The following SLC4A2 variants were observed in gnomAD, a reference collection of about 807,000 sequenced individuals.
SLC4A2 encodes solute carrier family 4 member 2, also known as anion exchange protein 2.
In SLC4A2, 36 loss-of-function variants were observed where a neutral mutation model predicts 115.0. The ratio of observed to expected loss-of-function variants is 0.31; its 90% CI spans 0.24 to 0.41. The LOEUF is 0.41. Among genes scored for constraint, SLC4A2 ranks in the 10% least tolerant of loss-of-function variants. The pLI is 1.00. For missense variants in SLC4A2, 1,252 were observed against 1,705.6 expected, an observed-to-expected ratio of 0.73 and a Z score of 4.68; for synonymous variants, 708 against 708.3, an observed-to-expected ratio of 1.00 and a Z score of 0.01.
intron 16 of SLC4A2, among the ~76,000 whole-genome samples, chr7:151,072,833 G>T (rs183190828): frequency 6.6e-6 from 1 of 151,446 alleles, no homozygotes; most frequent in Non-Finnish European, 1.5e-5. Flanking sequence ...TAAATTTTTT[G>T]TATTTTTTTA....
At chr7:151,064,062 G>A in intron 2 of SLC4A2, 140 bp from the exon 3 acceptor site, 2 of 750,880 alleles carry the variant, frequency 2.7e-6, no homozygotes, top group East Asian at 2.7e-5. Flanking sequence ...GCTGCTGGGG[G>A]CATATAGAGC....
At chr7:151,072,166 A>T in intron 16 of SLC4A2, 30 bp downstream of exon 16, 1 of 1,588,352 alleles carries the variant, frequency 6.3e-7, no homozygotes, top group Non-Finnish European at 8.6e-7. Context: ...GAGCTGGGCC[A>T]GGAGGGCCGA....
chr7:151,067,775 A>G lies in SLC4A2; in HGVS notation c.967-99A>G, dbSNP rs1250129223. On this transcript the variant is annotated intron_variant, in intron 7 of 22. Coordinates refer to ENST00000413384, the MANE Select transcript of SLC4A2 (RefSeq NM_003040.4). The stretch of plus-strand genomic sequence containing the variant: ...ACCACCCACTGTGCTCGTGCTCTCC[A>G]GGGTCACTTGGCTCCCTCTGACACC... The G allele has an allele frequency of 4.0e-6, 4 of 1,004,384 alleles. No homozygotes were observed. The South Asian group carries it at 4.3e-5, about 11-fold the overall frequency. 62.2% of individuals were successfully genotyped at this position (1,004,384 alleles called of 1,614,324 possible).
chr7:151,061,479 C>T (rs1179152677), intron 1 of SLC4A2: 1 of 156,556 alleles, frequency 6.4e-6, no homozygotes, highest in East Asian at 1.9e-4. Context: ...CGGGGTGTCT[C>T]ACCCTCCCCA....
At chr7:151,074,015 G>A (rs1442086253) in intron 16 of SLC4A2, 24 bp from the exon 17 acceptor site, 10 of 1,537,620 alleles carry the variant, frequency 6.5e-6, no homozygotes, top group Non-Finnish European at 8.8e-6. Context: ...AGCTGATGGA[G>A]GCCGTGTGGC....
At chr7:151,065,418 C>T (rs1263004091) in intron 5 of SLC4A2, among the ~76,000 whole-genome samples, 1 of 152,186 alleles carries the variant, frequency 6.6e-6, no homozygotes, top group Non-Finnish European at 1.5e-5. Flanking sequence ...ACTGCCAACA[C>T]ACGCTGGTTG....
intron 2 of SLC4A2, chr7:151,062,636 G>C (rs1447268156): frequency 1.3e-6 from 2 of 1,522,288 alleles, no homozygotes; most frequent in Admixed American, 2.0e-5. Flanking sequence ...CACCCCTGCC[G>C]GCCATGGACT....
At chr7:151,074,650 T>C in intron 18 of SLC4A2, 25 bp from the exon 19 acceptor site, 1 of 1,586,634 alleles carries the variant, frequency 6.3e-7, no homozygotes, top group East Asian at 2.2e-5. Context: ...TTAACCCTTG[T>C]CCCTACACTG....
In SLC4A2 at chr7:151,067,920, C is replaced by A. The variant is rs1797291431; in HGVS notation, c.1013C>A (p.Pro338His). The A allele has an allele frequency of 6.2e-7, 1 of 1,611,038 alleles. No individual in the cohort carries two copies. ...TTGCTCCTGGACAAAAACCAGGAGC[C>A]CCAGTGGCGGGAGACAGCTCGCTGG... is the stretch of plus-strand genomic sequence containing the variant. Reference protein sequence around the residue: ...NELLLDKNQEPQWRETARWIK... With the variant: ...NELLLDKNQEHQWRETARWIK... Residue 338 changes from proline to histidine, a missense_variant, in exon 8 of 23, where the codon CCC (proline) becomes CAC (histidine). This residue lies in a region of SLC4A2 where 29 missense variants were observed against 80.9 expected (regional missense o/e 0.36). Transcript: ENST00000413384.
At position 151,070,582 on chromosome 7, in the gene SLC4A2, CA is replaced by C; in HGVS notation, c.1564+12del. Reference sequence around the variant, plus strand: ...CGGTGGTCCTTGTGGGTATGTGGGGCAGGTCACATGTAGGGGGCTTGGTGGC... The same window carrying C: ...CGGTGGTCCTTGTGGGTATGTGGGGCGGTCACATGTAGGGGGCTTGGTGGC... On this transcript the variant is annotated intron_variant, in intron 11 of 22. Coordinates refer to ENST00000413384, the MANE Select transcript of SLC4A2 (RefSeq NM_003040.4). The C allele has an allele frequency of 6.2e-7, 1 of 1,609,420 alleles. No individual in the cohort carries two copies. The highest frequency in any genetic ancestry group is 2.2e-5 in the East Asian group (1 of 44,792).
Position 151,070,716 on chromosome 7 carries a change from C to G in SLC4A2, c.1565-11C>G. ...GCTCTGCTCTTGCCCACGATGGTCC[C>G]ACGCCCCTAGGCTGCGTGGAGTTCC... On this transcript the variant is annotated splice_polypyrimidine_tract_variant and intron_variant, in intron 11 of 22. Transcript: ENST00000413384. 6.2e-7 allele frequency: 1 copy of G among 1,612,336 alleles called. No individual in the cohort carries two copies. Among genetic ancestry groups the G allele is most frequent in the Non-Finnish European group, 8.5e-7 (1 of 1,179,752 alleles).
chr7:151,063,966 C>T (rs1797139871), intron 2 of SLC4A2, among the ~76,000 whole-genome samples: 1 of 152,018 alleles, frequency 6.6e-6, no homozygotes, highest in Non-Finnish European at 1.5e-5. Flanking sequence ...TGACCTCCAG[C>T]AATCCACCCA....
upstream of SLC4A2, chr7:151,058,907 G>A (rs1014743248): frequency 9.2e-5 from 14 of 152,262 alleles, no homozygotes; most frequent in African/African-American, 3.4e-4. Flanking sequence ...AACCAGAGTT[G>A]CTGCTAAACA....
rs761405189 is a variant in SLC4A2 at position 151,066,546 on chromosome 7, C to T, written c.608C>T (p.Ala203Val). ...CAGGTGGAGGAGGCGGAGGCGGAGG[C>T]GGTGGCGGTGGCCAGTGGCACTGCA... is the stretch of plus-strand genomic sequence containing the variant. ...GTQVEEAEAE[A>V]VAVASGTAGG... is the part of the protein sequence containing the mutation. The change falls in exon 6 of 23, where the codon GCG becomes GTG. Residue 203 changes from alanine to valine, a missense_variant. Around this residue, in one of 14 missense-constraint regions of SLC4A2, gnomAD observed 215 missense variants for 205.2 expected, o/e 1.05. Coordinates refer to ENST00000413384, the MANE Select transcript of SLC4A2 (RefSeq NM_003040.4). 12 of 1,535,232 alleles carry T rather than the reference C, an allele frequency of 7.8e-6. No homozygotes were observed. Among genetic ancestry groups the T allele is most frequent in the Non-Finnish European group, 8.8e-6 (10 of 1,140,966 alleles).
rs749441767 is a variant in SLC4A2 at position 151,071,979 on chromosome 7, G to A, written c.2378G>A (p.Arg793His). ...SSNHLEYLVGRVWIGFWLVFL... is the reference protein window; with the variant it reads ...SSNHLEYLVGHVWIGFWLVFL... Reference sequence around the variant, plus strand: ...AACCACCTGGAGTACCTGGTGGGCCGTGTGTGGATCGGCTTCTGGCTGGTG... The same window carrying A: ...AACCACCTGGAGTACCTGGTGGGCCATGTGTGGATCGGCTTCTGGCTGGTG... Residue 793 changes from arginine to histidine, a missense_variant, in exon 16 of 23, where the codon CGT (arginine) becomes CAT (histidine). Physicochemically the swap from Arg to His is conservative, Grantham distance 29 (BLOSUM62 0). Coordinates refer to ENST00000413384, the MANE Select transcript of SLC4A2 (RefSeq NM_003040.4). The surrounding 1 kb of genome is among the most constrained non-coding windows in gnomAD (Gnocchi z 5.5). The A allele has an allele frequency of 1.2e-6, 2 of 1,614,120 alleles. No individual in the cohort carries two copies. The highest frequency in any genetic ancestry group is 1.7e-6 in the Non-Finnish European group (2 of 1,180,012).
chr7:151,069,979 C>T lies in SLC4A2; in HGVS notation c.1180C>T (p.Leu394=). The T allele has an allele frequency of 6.2e-7, 1 of 1,614,082 alleles. No homozygotes were observed. The highest frequency in any genetic ancestry group is 8.5e-7 in the Non-Finnish European group (1 of 1,180,040). ...AVLLDLDQQT[L]PGVAHQVVEQ... ...GCTCTTGGATCTGGACCAGCAGACC[C>T]TGCCCGGAGTGGCCCACCAGGTGGT... The change falls in exon 9 of 23, where the codon CTG becomes TTG. Residue 394 remains leucine (L), a synonymous_variant. Transcript: ENST00000413384.
chr7:151,071,404 G>A lies in SLC4A2; in HGVS notation c.1990G>A (p.Val664Ile). The A allele has an allele frequency of 6.3e-7, 1 of 1,598,192 alleles. No homozygotes were observed. ...CTGGGTTGCAGCGCTCCTGCAGATG[G>A]TAGAGGCGGCAGGGGCAGCTGAAGA... ...SAQDKALLQM[V>I]EAAGAAEDDP... The change falls in exon 14 of 23, where the codon GTA (valine) becomes ATA (isoleucine). Residue 664 changes from valine to isoleucine, a missense_variant. Val to Ile is a conservative substitution (Grantham distance 29, BLOSUM62 3). This residue lies in a region of SLC4A2 where 122 missense variants were observed against 116.8 expected (regional missense o/e 1.04). Transcript: ENST00000413384. The surrounding 1 kb of genome is among the most constrained non-coding windows in gnomAD (Gnocchi z 5.5).
Position 151,074,133 on chromosome 7 carries a change from C to T in SLC4A2, c.2630C>T (p.Thr877Met), listed in dbSNP as rs796430180. ...ATGACATGGGCCGGGGCAAGACCCACGCTGGGGCCGGGCAACAGGAGCTTG... is the reference window on the plus strand; with the variant it reads ...ATGACATGGGCCGGGGCAAGACCCATGCTGGGGCCGGGCAACAGGAGCTTG... ...ENMTWAGARP[T>M]LGPGNRSLAG... The change falls in exon 17 of 23, where the codon ACG (threonine) becomes ATG (methionine). Residue 877 changes from threonine to methionine, a missense_variant. Physicochemically the swap from Thr to Met is moderately conservative, Grantham distance 81 (BLOSUM62 -1). Transcript: ENST00000413384. The T allele has an allele frequency of 1.1e-5, 17 of 1,612,386 alleles. No individual in the cohort carries two copies. Among genetic ancestry groups the T allele is most frequent in the South Asian group, 2.2e-5 (2 of 91,008 alleles).
Position 151,070,260 on chromosome 7 carries a change from C to T in SLC4A2, c.1363C>T (p.His455Tyr), listed in dbSNP as rs775762098. ...CCTGGGCTCCCTGCTGGGGCATCAC[C>T]ATGGTCAGGGGGCTGAGAGTGACCC... ...GSLGSLLGHH[H>Y]GQGAESDPHV... is the part of the protein sequence containing the mutation. Residue 455 changes from histidine to tyrosine, a missense_variant, in exon 10 of 23, where the codon CAT becomes TAT. By Grantham distance (83) the His-to-Tyr change is moderately conservative. Transcript: ENST00000413384. The T allele has an allele frequency of 1.9e-6, 3 of 1,613,934 alleles. No individual in the cohort carries two copies. The highest frequency in any genetic ancestry group is 2.5e-6 in the Non-Finnish European group (3 of 1,180,034).
Sources: gnomAD v4.1 joint callset for allele counts (sites outside exome capture counted in the v4.1 genomes callset) on GRCh38, gnomAD v4.1.1 for gene constraint, gnomAD v4.1.1 regional missense constraint, Gnocchi (gnomAD v3.1) non-coding constraint, MANE v1.5 for transcripts, NCBI Gene and HGNC (gene_info 2026-07-23, HGNC 2026-07-21) for gene names.